The following FNDC3B variants were observed in gnomAD, a reference collection of about 807,000 sequenced individuals.
FNDC3B encodes the protein fibronectin type III domain-containing protein 3B.
In FNDC3B, 12 loss-of-function variants were observed where a neutral mutation model predicts 151.5. The ratio of observed to expected loss-of-function variants is 0.08; its 90% CI spans 0.05 to 0.13. The LOEUF (loss-of-function observed/expected upper bound fraction) is 0.13. Among genes scored for constraint, FNDC3B ranks in the 10% least tolerant of loss-of-function variants. FNDC3B has a pLI of 1.00. For missense variants in FNDC3B, 1,214 were observed against 1,505.3 expected, an observed-to-expected ratio of 0.81 and a Z score of 3.20; for synonymous variants, 528 against 549.0, an observed-to-expected ratio of 0.96 and a Z score of 0.54.
chr3:172,307,977 C>T (rs978289268), intron 10 of FNDC3B, among the ~76,000 whole-genome samples: 1 of 152,150 alleles, frequency 6.6e-6, no homozygotes, highest in African/African-American at 2.4e-5. Context: ...AATAGTCTAG[C>T]TCATTTCAAC....
At chr3:172,210,707 C>CA (rs970692646) in intron 3 of FNDC3B, among the ~76,000 whole-genome samples, 1 of 151,826 alleles carries the variant, frequency 6.6e-6, no homozygotes, top group African/African-American at 2.4e-5. Context: ...CAGCCAAGTG[C>CA]AAAAAAATGA....
intron 3 of FNDC3B, among the ~76,000 whole-genome samples, chr3:172,219,116 A>C (rs1312786953): frequency 6.6e-6 from 1 of 152,188 alleles, no homozygotes; most frequent in African/African-American, 2.4e-5. Context: ...TGAGACTTCT[A>C]CTATATCCTA....
intron 23 of FNDC3B, among the ~76,000 whole-genome samples, chr3:172,371,527 A>G (rs868729529): frequency 1.4e-4 from 21 of 152,220 alleles, no homozygotes; most frequent in African/African-American, 4.6e-4. Flanking sequence ...CAAACAAGTT[A>G]TGGGCAGAGC....
At chr3:172,294,438 T>C (rs771510723) in intron 7 of FNDC3B, among the ~76,000 whole-genome samples, 4 of 151,754 alleles carry the variant, frequency 2.6e-5, no homozygotes, top group Non-Finnish European at 5.9e-5. Flanking sequence ...AGGAGGAAGA[T>C]AGAGAGAAGG....
At chr3:172,255,777 T>C (rs1560042458) in intron 6 of FNDC3B, among the ~76,000 whole-genome samples, 1 of 152,186 alleles carries the variant, frequency 6.6e-6, no homozygotes, top group Admixed American at 6.5e-5. Context: ...CTGGTGGAAT[T>C]GGTACCAGAT....
chr3:172,045,577 T>G (rs1716323753), intron 1 of FNDC3B, among the ~76,000 whole-genome samples: 1 of 152,222 alleles, frequency 6.6e-6, no homozygotes, highest in Non-Finnish European at 1.5e-5. Context: ...AGGGGAGTCT[T>G]TGCAACCTAC....
intron 3 of FNDC3B, among the ~76,000 whole-genome samples, chr3:172,181,441 T>A (rs1177411011): frequency 6.8e-6 from 1 of 148,126 alleles, no homozygotes; most frequent in African/African-American, 2.5e-5. Flanking sequence ...TAGAATTTAC[T>A]GTCTTGTGGT....
chr3:172,320,427 C>T (rs1732025582), intron 11 of FNDC3B, among the ~76,000 whole-genome samples: 1 of 151,926 alleles, frequency 6.6e-6, no homozygotes, highest in African/African-American at 2.4e-5. Context: ...TGGAAAGATA[C>T]CACACATCAA....
intron 3 of FNDC3B, among the ~76,000 whole-genome samples, chr3:172,151,391 G>A (rs564607757): frequency 3.2e-4 from 48 of 152,144 alleles, no homozygotes; most frequent in African/African-American, 1.1e-3. Flanking sequence ...ATCTAAATGT[G>A]CTTCTAACTT....
At chr3:172,200,302 G>GGAA (rs1725081056) in intron 3 of FNDC3B, among the ~76,000 whole-genome samples, 1 of 152,182 alleles carries the variant, frequency 6.6e-6, no homozygotes, top group Admixed American at 6.5e-5. Context: ...CAGAGGCCTT[G>GGAA]GCCAGGAGTC....
At chr3:172,290,571 C>T (rs984244219) in intron 7 of FNDC3B, among the ~76,000 whole-genome samples, 2 of 152,134 alleles carry the variant, frequency 1.3e-5, no homozygotes, top group Non-Finnish European at 2.9e-5. Context: ...ATAATGTAAC[C>T]TGGAATTGTG....
intron 1 of FNDC3B, among the ~76,000 whole-genome samples, chr3:172,053,558 G>C (rs561382645): frequency 1.3e-3 from 199 of 152,270 alleles, no homozygotes; most frequent in African/African-American, 4.4e-3. Context: ...GATCACCTGA[G>C]GTCAGGAGTT....
At chr3:172,393,479 T>A (rs1736123763) in intron 25 of FNDC3B, among the ~76,000 whole-genome samples, 1 of 152,218 alleles carries the variant, frequency 6.6e-6, no homozygotes, top group Admixed American at 6.5e-5. Context: ...ACATTGGGCT[T>A]GAACAATACT....
chr3:172,267,889 G>T (rs559051408), intron 6 of FNDC3B, among the ~76,000 whole-genome samples: 2 of 152,274 alleles, frequency 1.3e-5, no homozygotes, highest in African/African-American at 4.8e-5. Flanking sequence ...TTGATTAGAG[G>T]TGTCTTTTCT....
At chr3:172,125,184 C>G (rs999145364) in intron 2 of FNDC3B, among the ~76,000 whole-genome samples, 1 of 152,162 alleles carries the variant, frequency 6.6e-6, no homozygotes, top group Non-Finnish European at 1.5e-5. Flanking sequence ...TACATGATCT[C>G]CACATTAACT....
intron 11 of FNDC3B, among the ~76,000 whole-genome samples, chr3:172,311,873 G>A (rs561018057): frequency 5.0e-4 from 71 of 142,656 alleles, no homozygotes; most frequent in Non-Finnish European, 8.6e-4. Flanking sequence ...GCAAGACTCC[G>A]TCTCAAAAAG....
chr3:172,177,512 G>A (rs1370201782), intron 3 of FNDC3B, among the ~76,000 whole-genome samples: 1 of 152,002 alleles, frequency 6.6e-6, no homozygotes, highest in Admixed American at 6.5e-5. Flanking sequence ...ATCTGTCTTG[G>A]AGATAGAGAT....
intron 8 of FNDC3B, among the ~76,000 whole-genome samples, chr3:172,296,430 G>A (rs55678465): frequency 6.6e-6 from 1 of 152,272 alleles, no homozygotes; most frequent in African/African-American, 2.4e-5. Flanking sequence ...AAGCCCTGTG[G>A]CTGCTGTGTC....
At chr3:172,108,186 A>ACTTGT (rs34250234) in intron 1 of FNDC3B, among the ~76,000 whole-genome samples, 2 of 112,486 alleles carry the variant, frequency 1.8e-5, no homozygotes, top group African/African-American at 1.1e-4. Context: ...GAAAAAAAAA[A>ACTTGT]AGTAGAGGTG....
Sources: gnomAD v4.1 joint callset for allele counts (sites outside exome capture counted in the v4.1 genomes callset) on GRCh38, gnomAD v4.1.1 for gene constraint, MANE v1.5 for transcripts, NCBI Gene and HGNC (gene_info 2026-07-23, HGNC 2026-07-21) for gene names.